Variants in RGS22 observed in about 807,000 individuals in gnomAD.
RGS22 encodes the protein regulator of G protein signaling 22.
RGS22 carries 148 observed loss-of-function variants against 172.9 expected under a neutral mutation model. The ratio of observed to expected loss-of-function variants is 0.86; its 90% CI spans 0.75 to 0.98. The LOEUF (loss-of-function observed/expected upper bound fraction) is 0.98, where lower values mean the gene tolerates loss of function less well. Among genes scored for constraint, RGS22 ranks in the 50% least tolerant of loss-of-function variants. The pLI is 0.00. For synonymous variants in RGS22, 458 were observed against 480.2 expected, an observed-to-expected ratio of 0.95 and a Z score of 0.60; for missense variants, 1,347 against 1,440.8, an observed-to-expected ratio of 0.93 and a Z score of 1.05.
intron 3 of RGS22, among the ~76,000 whole-genome samples, chr8:100,081,355 C>T (rs1055206201): frequency 1.2e-4 from 12 of 98,006 alleles, no homozygotes; most frequent in Non-Finnish European, 1.9e-4. Flanking sequence ...TATATGTGTG[C>T]GTGTATGTAT....
intron 12 of RGS22, 52 bp from the exon 13 acceptor site, chr8:100,040,139 T>C: frequency 6.6e-7 from 1 of 1,524,472 alleles, no homozygotes. Context: ...TGTAATTTTT[T>C]TATGGCATTA....
chr8:100,071,845 C>G (rs1811005602), intron 5 of RGS22, among the ~76,000 whole-genome samples: 1 of 152,182 alleles, frequency 6.6e-6, no homozygotes, highest in South Asian at 2.1e-4. Context: ...TTTTTCGCGT[C>G]ACACTAGTAT....
At chr8:100,055,395 C>T (rs375298016) in intron 9 of RGS22, among the ~76,000 whole-genome samples, 1 of 152,284 alleles carries the variant, frequency 6.6e-6, no homozygotes, top group East Asian at 1.9e-4. Context: ...CCAGGAGGTA[C>T]CTCTATGAGT....
intron 23 of RGS22, among the ~76,000 whole-genome samples, chr8:99,974,880 G>A (rs1259670814): frequency 1.3e-5 from 2 of 151,768 alleles, no homozygotes; most frequent in African/African-American, 4.8e-5. Context: ...TGGCACAGTG[G>A]CTCACACCTG....
chr8:99,972,922 T>C (rs1811526479), intron 23 of RGS22, among the ~76,000 whole-genome samples: 1 of 145,314 alleles, frequency 6.9e-6, no homozygotes, highest in South Asian at 2.1e-4. Context: ...TAGTCCCAGC[T>C]ACTCGGGAGG....
chr8:100,087,561 A>G (rs1812256409), intron 3 of RGS22, among the ~76,000 whole-genome samples: 1 of 152,184 alleles, frequency 6.6e-6, no homozygotes, highest in African/African-American at 2.4e-5. Context: ...CCAGCCCAGC[A>G]CCAGTGAAAC....
chr8:99,999,966 T>A (rs944078473), intron 18 of RGS22, among the ~76,000 whole-genome samples: 2 of 152,188 alleles, frequency 1.3e-5, no homozygotes, highest in Non-Finnish European at 2.9e-5. Context: ...ACAGTGCAGT[T>A]GTAGTGATAG....
At chr8:99,975,879 T>C (rs1324907351) in intron 23 of RGS22, among the ~76,000 whole-genome samples, 1 of 152,084 alleles carries the variant, frequency 6.6e-6, no homozygotes, top group Non-Finnish European at 1.5e-5. Context: ...TTTCTAGAAG[T>C]GTATTTGCTG....
At chr8:100,045,255 CA>C (rs1226458685) in intron 11 of RGS22, among the ~76,000 whole-genome samples, 5 of 147,390 alleles carry the variant, frequency 3.4e-5, no homozygotes, top group Non-Finnish European at 7.5e-5. Flanking sequence ...GTGAGACACT[CA>C]AAAAAAACAA....
Position 100,040,062 on chromosome 8 carries a change from G to T in RGS22, c.1964C>A (p.Ala655Asp). The change falls in exon 13 of 28, where the codon GCC (alanine) becomes GAC (aspartate). Residue 655 changes from alanine (A) to aspartate (D), a missense_variant. Coordinates refer to ENST00000360863, the MANE Select transcript of RGS22 (RefSeq NM_015668.5). ...ATTTTCCATGTCAGATCCTCCCAAG[G>T]CACCAACATCTGACACGGTTTTAAC... Reference protein sequence around the residue: ...PRVKTVSDVGALGGSDMENLL... With the variant: ...PRVKTVSDVGDLGGSDMENLL... The T allele has an allele frequency of 6.2e-7, 1 of 1,609,234 alleles. No homozygotes were observed. Among genetic ancestry groups the T allele is most frequent in the Non-Finnish European group, 8.5e-7 (1 of 1,178,394 alleles).
At chr8:100,045,639 ATT>A (rs1563661234) in intron 11 of RGS22, among the ~76,000 whole-genome samples, 3 of 152,026 alleles carry the variant, frequency 2.0e-5, no homozygotes, top group East Asian at 3.9e-4. Flanking sequence ...ATGAAAGACA[ATT>A]TGATATTATC....
intron 14 of RGS22, among the ~76,000 whole-genome samples, chr8:100,036,594 T>C (rs1045652786): frequency 1.3e-5 from 2 of 152,188 alleles, no homozygotes; most frequent in African/African-American, 2.4e-5. Context: ...ATCAAGTTCA[T>C]AGAAACTTTA....
At chr8:100,080,962 T>C (rs1468180537) in intron 3 of RGS22, 1 of 152,240 alleles carries the variant, frequency 6.6e-6, no homozygotes, top group Non-Finnish European at 1.5e-5. Flanking sequence ...GTCAGGAGTC[T>C]TGAGTTTGAA....
At chr8:100,068,100 T>C (rs1360510961) in intron 6 of RGS22, among the ~76,000 whole-genome samples, 1 of 152,134 alleles carries the variant, frequency 6.6e-6, no homozygotes, top group Non-Finnish European at 1.5e-5. Flanking sequence ...TAATATATAG[T>C]TAAAGCGGCA....
rs115640745 is a variant in RGS22, at chr8:100,009,485, G to A, written c.2167-916C>T. On this transcript the variant is annotated intron_variant, in intron 14 of 27. Transcript: ENST00000360863. ...TATACATAGAACCTCCAGCAAACCTGCCACAAATATCTGTTCCATTCTACT... is the reference window on the plus strand; with the variant it reads ...TATACATAGAACCTCCAGCAAACCTACCACAAATATCTGTTCCATTCTACT... Among the ~76,000 whole-genome samples the A allele has an allele frequency of 6.4e-3, 962 of 149,798 alleles. 11 individuals carry two copies. The highest frequency in any genetic ancestry group is 0.022 in the African/African-American group (878 of 40,758).
intron 23 of RGS22, among the ~76,000 whole-genome samples, chr8:99,976,379 T>G (rs576971760): frequency 6.6e-6 from 1 of 152,260 alleles, no homozygotes; most frequent in Non-Finnish European, 1.5e-5. Flanking sequence ...TGTTTGTTTT[T>G]GAGACGGAGT....
chr8:100,090,757 C>T (rs1461886666), intron 3 of RGS22, among the ~76,000 whole-genome samples: 2 of 151,958 alleles, frequency 1.3e-5, no homozygotes, highest in African/African-American at 4.8e-5. Flanking sequence ...GTATATCTGG[C>T]ATATTCATGT....
intron 3 of RGS22, among the ~76,000 whole-genome samples, chr8:100,089,238 T>C (rs1324466141): frequency 4.1e-5 from 6 of 147,206 alleles, no homozygotes; most frequent in Non-Finnish European, 3.0e-5. Flanking sequence ...ACACACACGA[T>C]ATTCTCATAA....
intron 2 of RGS22, among the ~76,000 whole-genome samples, chr8:100,094,629 T>G (rs1407274374): frequency 6.6e-6 from 1 of 152,228 alleles, no homozygotes; most frequent in African/African-American, 2.4e-5. Context: ...TTTAATAAAT[T>G]TACTACCTTA....
Sources: allele counts gnomAD v4.1 joint callset (sites outside exome capture counted in the v4.1 genomes callset), GRCh38; gene constraint gnomAD v4.1.1; transcripts MANE v1.5; gene names NCBI Gene and HGNC (gene_info 2026-07-23, HGNC 2026-07-21).